SLC6A17: variants seen among roughly 807,000 people sequenced by gnomAD.
SLC6A17 encodes the protein solute carrier family 6 member 17.
Under a neutral mutation model 64.5 loss-of-function variants are expected in SLC6A17, and 21 were observed. That is an observed-to-expected ratio of 0.33 (90% CI 0.23 to 0.47). The LOEUF is 0.47. Among genes scored for constraint, SLC6A17 ranks in the 20% least tolerant of loss-of-function variants. The pLI, the probability that SLC6A17 is intolerant of heterozygous loss-of-function variation, is 1.00. For missense variants in SLC6A17, 682 were observed against 963.2 expected (o/e 0.71, Z 3.86); for synonymous variants, 372 against 399.5 (o/e 0.93, Z 0.82).
Position 110,193,009 on chromosome 1 carries a change from A to G in SLC6A17, c.1299+311A>G, listed in dbSNP as rs555662752. Reference sequence around the variant, plus strand: ...TCGTGCATCAGTCACTGCCACAGGTAATATACTCAGAACAGTGCCTTGACA... The same window carrying G: ...TCGTGCATCAGTCACTGCCACAGGTGATATACTCAGAACAGTGCCTTGACA... On this transcript the variant is annotated intron_variant, in intron 8 of 11. Coordinates refer to ENST00000331565, the MANE Select transcript of SLC6A17 (RefSeq NM_001010898.4). Among the ~76,000 whole-genome samples, 9 of 152,336 alleles carry G rather than the reference A, an allele frequency of 5.9e-5. No homozygotes were observed. The South Asian group carries it at 1.9e-3, about 32-fold the overall frequency.
chr1:110,152,391 T>C (rs1450084455), intron 1 of SLC6A17, among the ~76,000 whole-genome samples: 1 of 152,150 alleles, frequency 6.6e-6, no homozygotes, highest in African/African-American at 2.4e-5. Context: ...GGAGTGAGTT[T>C]GTTTGGCCTG....
At chr1:110,179,795 C>T (rs1474531409) in intron 6 of SLC6A17, among the ~76,000 whole-genome samples, 6 of 152,166 alleles carry the variant, frequency 3.9e-5, no homozygotes, top group African/African-American at 7.2e-5. Context: ...TCAGATGATC[C>T]GCCCGCCTTG....
chr1:110,176,561 A>G, intron 5 of SLC6A17, 68 bp from the exon 6 acceptor site: 1 of 1,455,246 alleles, frequency 6.9e-7, no homozygotes, highest in South Asian at 1.1e-5. Context: ...CCCAGATGTG[A>G]GCAGGGATGG....
chr1:110,162,224 C>T (rs1655931149), intron 1 of SLC6A17, among the ~76,000 whole-genome samples: 1 of 152,242 alleles, frequency 6.6e-6, no homozygotes, highest in African/African-American at 2.4e-5. Flanking sequence ...GCTGGGCTGG[C>T]TGTCACCACA....
intron 6 of SLC6A17, among the ~76,000 whole-genome samples, chr1:110,190,891 C>G (rs1237125561): frequency 1.3e-5 from 2 of 152,220 alleles, no homozygotes; most frequent in Admixed American, 6.5e-5. Context: ...TCTGCCCCGA[C>G]TAACCAGCTC....
intron 11 of SLC6A17, 46 bp downstream of exon 11, chr1:110,197,645 G>A (rs1657006171): frequency 1.3e-6 from 2 of 1,535,618 alleles, no homozygotes; most frequent in South Asian, 2.4e-5. Flanking sequence ...CATCTTCTCA[G>A]GCCTTGAATG....
intron 6 of SLC6A17, among the ~76,000 whole-genome samples, chr1:110,189,036 A>G (rs1460564452): frequency 2.6e-5 from 4 of 152,014 alleles, no homozygotes; most frequent in Non-Finnish European, 4.4e-5. Flanking sequence ...CCCTTTCAGG[A>G]GACTCTCCCT....
chr1:110,200,218 C>T lies in SLC6A17; in HGVS notation c.*1774C>T. ...CCAAGCCTGGGAGCAGTCTATCCCC[C>T]AACCCTGCCATCTCCCTTACTCATC... On this transcript the variant is annotated 3_prime_UTR_variant, in exon 12 of 12. Transcript: ENST00000331565. The T allele has an allele frequency of 5.0e-6, 2 of 397,720 alleles. No individual in the cohort carries two copies. Among genetic ancestry groups the T allele is most frequent in the Non-Finnish European group, 8.9e-6 (2 of 225,922 alleles). The allele number at this position is 397,720 out of a possible 1,614,324, so 24.6% of individuals were successfully genotyped here.
rs781022167 is a variant in SLC6A17, at chr1:110,194,624, A to G, written c.1345A>G (p.Met449Val). 1.9e-6 allele frequency: 3 copies of G among 1,614,184 alleles called. No homozygotes were observed. Among genetic ancestry groups the G allele is most frequent in the East Asian group, 2.2e-5 (1 of 44,876 alleles). Reference protein sequence around the residue: ...GLAFIAFTEAMTHFPASPFWS... With the variant: ...GLAFIAFTEAVTHFPASPFWS... ...GGCCTTCATCGCCTTCACTGAGGCC[A>G]TGACGCACTTCCCCGCCTCCCCGTT... The change falls in exon 9 of 12, where the codon ATG (methionine) becomes GTG (valine). Residue 449 changes from methionine (M) to valine (V), a missense_variant. Met to Val is a conservative substitution (Grantham distance 21). Around this residue, in one of 3 missense-constraint regions of SLC6A17, gnomAD observed 415 missense variants for 603.8 expected, o/e 0.69. Coordinates refer to ENST00000331565, the MANE Select transcript of SLC6A17 (RefSeq NM_001010898.4).
At chr1:110,158,581 C>G (rs143228222) in intron 1 of SLC6A17, among the ~76,000 whole-genome samples, 2 of 152,380 alleles carry the variant, frequency 1.3e-5, no homozygotes, top group African/African-American at 4.8e-5. Context: ...ATTTTATACT[C>G]ATGACAACCC....
chr1:110,162,585 G>T, intron 1 of SLC6A17, among the ~76,000 whole-genome samples: 1 of 152,124 alleles, frequency 6.6e-6, no homozygotes, highest in East Asian at 1.9e-4. Flanking sequence ...CCCCTCTCAG[G>T]GTCCTTCTCT....
Position 110,184,596 on chromosome 1 carries a change from G to A in SLC6A17, c.865-7376G>A, listed in dbSNP as rs149545395. 3.3e-4 allele frequency among the ~76,000 whole-genome samples: 50 copies of A among 152,298 alleles called. 1 individual carries two copies. In the East Asian group the frequency reaches 9.5e-3, roughly 29 times the overall value. On this transcript the variant is annotated intron_variant, in intron 6 of 11. Coordinates refer to ENST00000331565, the MANE Select transcript of SLC6A17 (RefSeq NM_001010898.4). ...AACTGTAGGGAGGAGGCTATGAGTG[G>A]GCAACAGCAGAAGGGGCAGTGTGCC...
rs375172295 is a variant in SLC6A17, at chr1:110,195,662, C to T, written c.1569C>T (p.Phe523=). 1.6e-5 allele frequency: 26 copies of T among 1,614,100 alleles called. No individual in the cohort carries two copies. The highest frequency in any genetic ancestry group is 1.9e-5 in the Non-Finnish European group (22 of 1,180,054). The part of the protein sequence containing the change: ...QRSGNYFVTM[F]DDYSATLPLT... ...CCGGAAACTACTTTGTCACCATGTT[C>T]GATGACTACTCGGCCACCCTGCCAC... is the stretch of plus-strand genomic sequence containing the variant. The change falls in exon 10 of 12, where the codon TTC becomes TTT. Residue 523 remains phenylalanine (F), a synonymous_variant. Coordinates refer to ENST00000331565, the MANE Select transcript of SLC6A17 (RefSeq NM_001010898.4).
rs552844116 is a variant in SLC6A17 at position 110,199,289 on chromosome 1, C to T, written c.*845C>T. ...CCCAGCCCACAGTGGTGGCCTCTGC[C>T]TCTTTCCTGGAGAGAGAAGGACAGT... On this transcript the variant is annotated 3_prime_UTR_variant, in exon 12 of 12. Transcript: ENST00000331565. The T allele has an allele frequency of 1.3e-5, 2 of 152,380 alleles. No homozygotes were observed. The highest frequency in any genetic ancestry group is 6.5e-5 in the Admixed American group (1 of 15,278). The allele number at this position is 152,380 out of a possible 1,614,324, so 9.4% of individuals were successfully genotyped here.
intron 1 of SLC6A17, among the ~76,000 whole-genome samples, chr1:110,158,320 C>T (rs895932600): frequency 6.6e-6 from 1 of 152,216 alleles, no homozygotes; most frequent in Non-Finnish European, 1.5e-5. Context: ...CTCTATTCTC[C>T]TTCCAGGCCA....
intron 6 of SLC6A17, among the ~76,000 whole-genome samples, chr1:110,186,445 C>CAAAA (rs55986433): frequency 1.1e-5 from 1 of 87,962 alleles, no homozygotes; most frequent in Non-Finnish European, 2.7e-5. Flanking sequence ...AAATAATTAC[C>CAAAA]AAAAAAAAAA....
intron 1 of SLC6A17, among the ~76,000 whole-genome samples, chr1:110,153,356 T>C (rs1655657511): frequency 6.6e-6 from 1 of 152,192 alleles, no homozygotes; most frequent in African/African-American, 2.4e-5. Context: ...GATTCCTGTT[T>C]TCCTGAAGGA....
At chr1:110,187,084 T>C (rs1656703483) in intron 6 of SLC6A17, among the ~76,000 whole-genome samples, 1 of 151,982 alleles carries the variant, frequency 6.6e-6, no homozygotes, top group Non-Finnish European at 1.5e-5. Context: ...TTTTTCAGCA[T>C]GCAAGCGACG....
chr1:110,186,011 G>T (rs932382639), intron 6 of SLC6A17, among the ~76,000 whole-genome samples: 2 of 152,202 alleles, frequency 1.3e-5, no homozygotes, highest in Admixed American at 6.5e-5. Context: ...CATCAGATTT[G>T]GTTCCATCAA....
Sources: allele counts gnomAD v4.1 joint callset (sites outside exome capture counted in the v4.1 genomes callset), GRCh38; gene constraint gnomAD v4.1.1; regional missense constraint gnomAD v4.1.1; transcripts MANE v1.5; gene names NCBI Gene and HGNC (gene_info 2026-07-23, HGNC 2026-07-21).